ASXL2: variants seen among roughly 807,000 people sequenced by gnomAD.
ASXL2 encodes ASXL transcriptional regulator 2.
In ASXL2, 23 loss-of-function variants were observed where a neutral mutation model predicts 122.0. The observed-to-expected ratio is 0.19, with a 90% CI of 0.14 to 0.27. The LOEUF is 0.27. Among genes scored for constraint, ASXL2 ranks in the 10% least tolerant of loss-of-function variants. ASXL2 has a pLI of 1.00. For synonymous variants in ASXL2, 650 were observed against 637.0 expected, an observed-to-expected ratio of 1.02 and a Z score of -0.31; for missense variants, 1,518 against 1,713.8, an observed-to-expected ratio of 0.89 and a Z score of 2.02.
chr2:25,740,007 T>A lies in ASXL2; in HGVS notation c.*2022A>T, dbSNP rs1284889632. On this transcript the variant is annotated 3_prime_UTR_variant, in exon 13 of 13. Transcript: ENST00000435504. ...TACTGAATATTTGGGAGCACCATTA[T>A]TTCTGTTTTCTACTGGTTCTTGGCT... 1 of 223,942 alleles carries A rather than the reference T, an allele frequency of 4.5e-6. No homozygotes were observed. The highest frequency in any genetic ancestry group is 2.2e-5 in the African/African-American group (1 of 44,820). The allele number at this position is 223,942 out of a possible 1,614,324, so 13.9% of individuals were successfully genotyped here.
chr2:25,771,527 G>C lies in ASXL2; in HGVS notation c.417C>G (p.Ser139=), dbSNP rs946155823. Residue 139 remains serine (S), a synonymous_variant, in exon 6 of 13, where the codon TCC becomes TCG. Coordinates refer to ENST00000435504, the MANE Select transcript of ASXL2 (RefSeq NM_018263.6). The part of the protein sequence containing the change: ...SRWKRKVSSS[S]PQSGCPSPTI... ...TGGGTGATGGGCAGCCTGACTGCGG[G>C]GAGGACGACGATACTAGGGAAAAAA... The C allele has an allele frequency of 2.5e-6, 4 of 1,611,138 alleles. No homozygotes were observed. The African/African-American group carries it at 5.4e-5, about 22-fold the overall frequency.
chr2:25,751,479 C>T (rs185439294), intron 11 of ASXL2, among the ~76,000 whole-genome samples: 4 of 151,986 alleles, frequency 2.6e-5, no homozygotes, highest in Admixed American at 6.5e-5. Flanking sequence ...ACAAAAAATA[C>T]AATAATTAGC....
rs2089281129 is a variant in ASXL2 at position 25,819,490 on chromosome 2, T to C, written c.144-13153A>G. On this transcript the variant is annotated intron_variant, in intron 3 of 12. Coordinates refer to ENST00000435504, the MANE Select transcript of ASXL2 (RefSeq NM_018263.6). ...ATCACAGTTACCATCACTAATACTG[T>C]GGTACACTGAAATCATGGAATCCAG... Among the ~76,000 whole-genome samples, 3 of 152,156 alleles carry C rather than the reference T, an allele frequency of 2.0e-5. No individual in the cohort carries two copies. In the South Asian group the frequency reaches 6.2e-4, roughly 31 times the overall value.
chr2:25,808,134 T>C (rs1272589344), intron 3 of ASXL2, among the ~76,000 whole-genome samples: 1 of 152,112 alleles, frequency 6.6e-6, no homozygotes, highest in Non-Finnish European at 1.5e-5. Flanking sequence ...CACGGAATCT[T>C]CAGAAAGGGA....
chr2:25,799,474 T>A lies in ASXL2; in HGVS notation c.314A>T (p.Gln105Leu), dbSNP rs1410610996. 2.5e-6 allele frequency: 4 copies of A among 1,614,014 alleles called. No individual in the cohort carries two copies. Among genetic ancestry groups the A allele is most frequent in the Non-Finnish European group, 8.5e-7 (1 of 1,179,900 alleles). Reference protein sequence around the residue: ...SEGSEESSDGQSDSQSSENSS... With the variant: ...SEGSEESSDGLSDSQSSENSS... Reference sequence around the variant, plus strand: ...GTTCTCAGAACTCTGGGAATCTGACTGACCATCACTGCTTTCTTCTGAACC... The same window carrying A: ...GTTCTCAGAACTCTGGGAATCTGACAGACCATCACTGCTTTCTTCTGAACC... The change falls in exon 5 of 13, where the codon CAG (glutamine) becomes CTG (leucine). Residue 105 changes from glutamine to leucine, a missense_variant. Transcript: ENST00000435504.
At chr2:25,866,487 A>C (rs1305706789) in intron 1 of ASXL2, among the ~76,000 whole-genome samples, 1 of 152,200 alleles carries the variant, frequency 6.6e-6, no homozygotes, top group Non-Finnish European at 1.5e-5. Context: ...GAGGTCTATA[A>C]GAAATCTAGT....
chr2:25,878,210 C>G lies in ASXL2; in HGVS notation c.13G>C (p.Gly5Arg), dbSNP rs371056638. Residue 5 changes from glycine (G) to arginine (R), a missense_variant, in exon 1 of 13, where the codon GGA (glycine) becomes CGA (arginine). This residue lies in a region of ASXL2 where 28 missense variants were observed against 42.2 expected (regional missense o/e 0.66). Transcript: ENST00000435504. ...CAGGTCCTGCCCTTCTTCCTACGTC[C>G]CTTTTCCCTCATGTCGGGTCTTGAA... MREK[G>R]RRKKGRTWAE... The G allele has an allele frequency of 1.2e-6, 2 of 1,613,814 alleles. No homozygotes were observed. The highest frequency in any genetic ancestry group is 1.7e-6 in the Non-Finnish European group (2 of 1,179,870).
At position 25,878,347 on chromosome 2, in the gene ASXL2, G is replaced by T. The variant is rs940267598; in HGVS notation, c.-125C>A. 4.1e-6 allele frequency: 4 copies of T among 984,882 alleles called. No homozygotes were observed. The Admixed American group carries it at 8.4e-5, about 21-fold the overall frequency. The allele number at this position is 984,882 out of a possible 1,614,324, so 61.0% of individuals were successfully genotyped here. ...GTGGGAGAAAAGGGAAGTCAGACCGGGGGGGCACCCAAGCAGAGGAAGCGG... is the reference window on the plus strand; with the variant it reads ...GTGGGAGAAAAGGGAAGTCAGACCGTGGGGGCACCCAAGCAGAGGAAGCGG... On this transcript the variant is annotated 5_prime_UTR_variant, in exon 1 of 13. Transcript: ENST00000435504.
At chr2:25,857,264 A>G (rs1231475850) in intron 1 of ASXL2, among the ~76,000 whole-genome samples, 1 of 152,164 alleles carries the variant, frequency 6.6e-6, no homozygotes, top group Non-Finnish European at 1.5e-5. Context: ...TACCTTGGCT[A>G]GGAAGTGACA....
At chr2:25,749,153 A>T (rs1293146460) in intron 12 of ASXL2, among the ~76,000 whole-genome samples, 1 of 152,128 alleles carries the variant, frequency 6.6e-6, no homozygotes, top group Non-Finnish European at 1.5e-5. Flanking sequence ...CACATTTCTT[A>T]TTTTGTCAAT....
chr2:25,877,725 T>C (rs2090020938), intron 1 of ASXL2, among the ~76,000 whole-genome samples: 1 of 152,204 alleles, frequency 6.6e-6, no homozygotes, highest in African/African-American at 2.4e-5. Flanking sequence ...GGGTAAATTC[T>C]ATCCAGCTCC....
intron 5 of ASXL2, among the ~76,000 whole-genome samples, chr2:25,778,764 A>C (rs1318850429): frequency 6.6e-6 from 1 of 152,038 alleles, no homozygotes; most frequent in Non-Finnish European, 1.5e-5. Flanking sequence ...CTTTTTTACA[A>C]CCTGTCACAG....
intron 5 of ASXL2, among the ~76,000 whole-genome samples, chr2:25,790,294 G>A (rs1371868998): frequency 2.8e-5 from 4 of 140,932 alleles, no homozygotes; most frequent in Non-Finnish European, 4.6e-5. Flanking sequence ...AACTGAGGTG[G>A]TGGTGATATG....
chr2:25,767,688 T>C lies in ASXL2; in HGVS notation c.670A>G (p.Ser224Gly), dbSNP rs761549927. ...AAGCTGGAGTTTGAGTTTTGAGGGC[T>C]GCCTGTCTGTCCATCAGATTGCTTT... Reference protein sequence around the residue: ...EGKQSDGQTGSPQNSNSSFSS... With the variant: ...EGKQSDGQTGGPQNSNSSFSS... Residue 224 changes from serine (S) to glycine (G), a missense_variant, in exon 8 of 13, where the codon AGC becomes GGC. This residue lies in a region of ASXL2 where 198 missense variants were observed against 209.0 expected (regional missense o/e 0.95). Transcript: ENST00000435504. 2 of 1,613,962 alleles carry C rather than the reference T, an allele frequency of 1.2e-6. No homozygotes were observed. Among genetic ancestry groups the C allele is most frequent in the East Asian group, 4.5e-5 (2 of 44,860 alleles).
At chr2:25,796,016 G>A (rs2088906847) in intron 5 of ASXL2, among the ~76,000 whole-genome samples, 1 of 152,086 alleles carries the variant, frequency 6.6e-6, no homozygotes, top group Non-Finnish European at 1.5e-5. Context: ...AACAATTGAG[G>A]TCTGGGTAGC....
Position 25,743,085 on chromosome 2 carries a change from C to T in ASXL2, c.3252G>A (p.Pro1084=), listed in dbSNP as rs371352987. ...VRRQNLLSVV[P]PSQFNFAHSG... ...AGTGAGCGAAGTTGAACTGTGAGGG[C>T]GGCACAACTGAGAGAAGATTCTGCC... is the stretch of plus-strand genomic sequence containing the variant. The change falls in exon 13 of 13, where the codon CCG becomes CCA. Residue 1084 remains proline (P), a synonymous_variant. Transcript: ENST00000435504. 1.9e-5 allele frequency: 30 copies of T among 1,613,852 alleles called. No homozygotes were observed. The highest frequency in any genetic ancestry group is 8.8e-5 in the South Asian group (8 of 91,078).
chr2:25,814,385 C>G (rs865936053), intron 3 of ASXL2, among the ~76,000 whole-genome samples: 1 of 152,164 alleles, frequency 6.6e-6, no homozygotes, highest in African/African-American at 2.4e-5. Flanking sequence ...AATAAGACAT[C>G]ATCTGCATGG....
At chr2:25,851,286 T>A (rs1427941100) in intron 1 of ASXL2, among the ~76,000 whole-genome samples, 2 of 152,234 alleles carry the variant, frequency 1.3e-5, no homozygotes, top group African/African-American at 4.8e-5. Flanking sequence ...ACTATTAATA[T>A]GAGTATCATT....
chr2:25,768,183 T>C (rs1199133450), intron 7 of ASXL2, among the ~76,000 whole-genome samples: 2 of 152,242 alleles, frequency 1.3e-5, no homozygotes, highest in Non-Finnish European at 2.9e-5. Context: ...GCTAAGAGTT[T>C]AGTTTGAGCC....
Sources: allele counts gnomAD v4.1 joint callset (sites outside exome capture counted in the v4.1 genomes callset), GRCh38; gene constraint gnomAD v4.1.1; regional missense constraint gnomAD v4.1.1; transcripts MANE v1.5; gene names NCBI Gene and HGNC (gene_info 2026-07-23, HGNC 2026-07-21).